USP48: variants seen among roughly 807,000 people sequenced by gnomAD.
The protein encoded by USP48 is ubiquitin specific peptidase 48.
Under a neutral mutation model 150.7 loss-of-function variants are expected in USP48, and 43 were observed. The observed-to-expected ratio is 0.29, with a 90% CI of 0.22 to 0.37. The LOEUF (loss-of-function observed/expected upper bound fraction) is 0.37. USP48 is among the 10% of genes least tolerant of loss of function. USP48 has a pLI of 1.00. For missense variants in USP48, 813 were observed against 1,249.6 expected, an observed-to-expected ratio of 0.65 and a Z score of 5.27; for synonymous variants, 396 against 425.9, an observed-to-expected ratio of 0.93 and a Z score of 0.86.
chr1:21,687,944 G>A (rs1014161431), intron 24 of USP48, among the ~76,000 whole-genome samples: 1 of 152,180 alleles, frequency 6.6e-6, no homozygotes, highest in Non-Finnish European at 1.5e-5. Flanking sequence ...GTGGTGGGAT[G>A]AGGGGTGTGT....
At chr1:21,730,162 C>T (rs183383201) in intron 9 of USP48, among the ~76,000 whole-genome samples, 3 of 152,174 alleles carry the variant, frequency 2.0e-5, no homozygotes, top group Admixed American at 1.3e-4. Context: ...TAACTGAAGC[C>T]GGGCACAGTG....
chr1:21,721,900 A>G (rs2097721831), intron 12 of USP48, 136 bp from the exon 13 acceptor site: 2 of 513,488 alleles, frequency 3.9e-6, no homozygotes, highest in Admixed American at 3.8e-5. Flanking sequence ...GCAAATTGGT[A>G]TATACCCTAA....
chr1:21,753,163 C>T (rs1553141257), intron 3 of USP48, 44 bp from the exon 4 acceptor site: 2 of 1,565,086 alleles, frequency 1.3e-6, no homozygotes, highest in Non-Finnish European at 1.7e-6. Flanking sequence ...TAAGGTGCTA[C>T]TTTTCTTTCC....
At chr1:21,780,774 GC>G (rs1305617760) in intron 1 of USP48, among the ~76,000 whole-genome samples, 1 of 124,628 alleles carries the variant, frequency 8.0e-6, no homozygotes, top group Non-Finnish European at 1.6e-5. Context: ...ACTGAGTCTC[GC>G]CCTGTTGCCC....
chr1:21,689,239 C>A (rs1571699562), intron 24 of USP48, among the ~76,000 whole-genome samples: 2 of 137,872 alleles, frequency 1.5e-5, no homozygotes, highest in African/African-American at 2.7e-5. Context: ...GTGGGGGCAG[C>A]ATTTCAAATT....
chr1:21,680,317 TA>T (rs1264675812), intron 26 of USP48, among the ~76,000 whole-genome samples: 1 of 152,234 alleles, frequency 6.6e-6, no homozygotes, highest in Non-Finnish European at 1.5e-5. Context: ...CCAGATGTAG[TA>T]CGAGCACCAC....
In USP48 at chr1:21,742,331, G is replaced by A. The variant is rs371765670; in HGVS notation, c.991+4736C>T. 5.9e-5 allele frequency among the ~76,000 whole-genome samples: 9 copies of A among 152,158 alleles called. 1 individual carries two copies. Among genetic ancestry groups the A allele is most frequent in the African/African-American group, 2.2e-4 (9 of 41,512 alleles). On this transcript the variant is annotated intron_variant, in intron 8 of 26. Coordinates refer to ENST00000308271, the MANE Select transcript of USP48 (RefSeq NM_032236.8). ...GGCTGAGACAGGTGGATCACCTGAG[G>A]TCAGGAGTTCGAGACCAGCCTGGCC...
chr1:21,756,267 G>A (rs1420187613), intron 3 of USP48, among the ~76,000 whole-genome samples: 3 of 151,716 alleles, frequency 2.0e-5, no homozygotes, highest in Non-Finnish European at 2.9e-5. Flanking sequence ...CATCACTTGA[G>A]GTCAGGAGTT....
chr1:21,718,057 T>C (rs1338304726), intron 14 of USP48, among the ~76,000 whole-genome samples: 2 of 152,256 alleles, frequency 1.3e-5, no homozygotes, highest in East Asian at 3.8e-4. Context: ...TATGTGTCAG[T>C]ATGTGGCAAT....
At chr1:21,776,659 T>C (rs558877626) in intron 1 of USP48, among the ~76,000 whole-genome samples, 5 of 105,182 alleles carry the variant, frequency 4.8e-5, no homozygotes, top group Admixed American at 2.0e-4. Context: ...GATATCTAAA[T>C]AAAAGCTGAC....
At chr1:21,685,821 T>C (rs1553518582) in intron 25 of USP48, 1 of 150,536 alleles carries the variant, frequency 6.6e-6, no homozygotes, top group South Asian at 2.1e-4. Flanking sequence ...TTTCTACATA[T>C]ATAAGATCAT....
chr1:21,759,284 A>AG (rs2097844570), intron 1 of USP48, among the ~76,000 whole-genome samples: 2 of 150,842 alleles, frequency 1.3e-5, no homozygotes, highest in South Asian at 4.2e-4. Context: ...TCCAGACTGA[A>AG]GGGAAGGCAG....
At chr1:21,724,395 A>T in intron 11 of USP48, 1 of 561,140 alleles carries the variant, frequency 1.8e-6, no homozygotes, top group Non-Finnish European at 3.2e-6. Flanking sequence ...CGAATAGCAC[A>T]GCAGAGCTTT....
chr1:21,729,934 C>T (rs2097752331), intron 9 of USP48, 102 bp from the exon 10 acceptor site: 2 of 1,363,586 alleles, frequency 1.5e-6, no homozygotes, highest in Middle Eastern at 1.9e-4. Context: ...ACACCCAAGA[C>T]ACATTAACAC....
intron 3 of USP48, among the ~76,000 whole-genome samples, chr1:21,754,518 T>C (rs541552): frequency 0.076 from 11,620 of 152,282 alleles, 502 homozygotes; most frequent in Middle Eastern, 0.11. Context: ...GCTCCAAATC[T>C]ACCCTTCTTT....
intron 1 of USP48, among the ~76,000 whole-genome samples, chr1:21,766,720 G>A (rs898775152): frequency 2.6e-5 from 4 of 151,938 alleles, no homozygotes; most frequent in Non-Finnish European, 4.4e-5. Context: ...ATGGAGTGTC[G>A]TTCTGTTGCC....
At chr1:21,697,606 T>A (rs1273547158) in intron 22 of USP48, among the ~76,000 whole-genome samples, 1 of 145,904 alleles carries the variant, frequency 6.9e-6, no homozygotes, top group African/African-American at 2.5e-5. Flanking sequence ...GAGCTTGCAG[T>A]GAGCTGAGAT....
At chr1:21,695,529 G>A (rs995667575) in intron 22 of USP48, among the ~76,000 whole-genome samples, 2 of 152,140 alleles carry the variant, frequency 1.3e-5, no homozygotes, top group Non-Finnish European at 2.9e-5. Context: ...GACCAGCCTA[G>A]GCAACATATT....
At chr1:21,755,531 G>A (rs1218683253) in intron 3 of USP48, among the ~76,000 whole-genome samples, 11 of 151,930 alleles carry the variant, frequency 7.2e-5, no homozygotes, top group Admixed American at 3.3e-4. Context: ...CAGCCTGGGC[G>A]AAAAAGTGAG....
Sources: allele counts gnomAD v4.1 joint callset (sites outside exome capture counted in the v4.1 genomes callset), GRCh38; gene constraint gnomAD v4.1.1; transcripts MANE v1.5; gene names NCBI Gene and HGNC (gene_info 2026-07-23, HGNC 2026-07-21).